The following DPYSL3 variants were observed in gnomAD, a reference collection of about 807,000 sequenced individuals.
DPYSL3 encodes dihydropyrimidinase-related protein 3.
In DPYSL3, 16 loss-of-function variants were observed where a neutral mutation model predicts 66.1. The observed-to-expected ratio is 0.24, with a 90% confidence interval of 0.16 to 0.37. The LOEUF is 0.37. Ranked by LOEUF, DPYSL3 falls within the 10% of genes least tolerant of loss-of-function variation. The pLI, the probability that DPYSL3 is intolerant of heterozygous loss-of-function variation, is 1.00. For missense variants in DPYSL3, 738 were observed against 916.2 expected, an observed-to-expected ratio of 0.81 and a Z score of 2.51; for synonymous variants, 338 against 345.1, an observed-to-expected ratio of 0.98 and a Z score of 0.23.
intron 1 of DPYSL3, among the ~76,000 whole-genome samples, chr5:147,449,218 C>T (rs1307010451): frequency 6.6e-6 from 1 of 152,068 alleles, no homozygotes; most frequent in Admixed American, 6.5e-5. Context: ...CTGGGTGTTA[C>T]TCCAGTTCAT....
rs190962577 is a variant in DPYSL3 at position 147,393,823 on chromosome 5, A to C, written c.*212T>G. 5.3e-5 allele frequency: 31 copies of C among 582,066 alleles called. No homozygotes were observed. The Admixed American group carries it at 8.5e-4, about 16-fold the overall frequency. 36.1% of individuals were successfully genotyped at this position (582,066 alleles called of 1,614,324 possible). A position where few individuals can be genotyped will look rare whatever the true frequency, so the allele number is the denominator to read the frequency against. On this transcript the variant is annotated 3_prime_UTR_variant, in exon 14 of 14. Transcript: ENST00000343218. ...CATGTAAATGGGGGGAGGGGAGTCAAACAAATCAAGGCTATGCATAAACAG... is the reference window on the plus strand; with the variant it reads ...CATGTAAATGGGGGGAGGGGAGTCACACAAATCAAGGCTATGCATAAACAG...
At chr5:147,415,260 T>C (rs924681623) in intron 4 of DPYSL3, among the ~76,000 whole-genome samples, 5 of 152,174 alleles carry the variant, frequency 3.3e-5, no homozygotes, top group African/African-American at 1.2e-4. Context: ...GCCATTGTTA[T>C]ATGATAGTAA....
At chr5:147,451,330 A>T (rs1007833178) in intron 1 of DPYSL3, among the ~76,000 whole-genome samples, 1 of 152,212 alleles carries the variant, frequency 6.6e-6, no homozygotes, top group Non-Finnish European at 1.5e-5. Flanking sequence ...CCCAGCTTCA[A>T]GGCAGAGGCT....
At chr5:147,452,325 A>G (rs530577006) in intron 1 of DPYSL3, among the ~76,000 whole-genome samples, 1 of 152,110 alleles carries the variant, frequency 6.6e-6, no homozygotes, top group South Asian at 2.1e-4. Flanking sequence ...CTGCAAATCA[A>G]CTACTGTGGC....
intron 1 of DPYSL3, chr5:147,454,002 T>G: frequency 6.1e-6 from 1 of 164,920 alleles, no homozygotes; most frequent in Non-Finnish European, 1.3e-5. Context: ...TTTTTTCTGA[T>G]TCGCGAGTGC....
intron 1 of DPYSL3, among the ~76,000 whole-genome samples, chr5:147,447,961 C>T (rs1228631656): frequency 6.6e-6 from 1 of 152,146 alleles, no homozygotes; most frequent in Non-Finnish European, 1.5e-5. Flanking sequence ...ACATTTACAC[C>T]TTAGAGACTC....
At chr5:147,452,139 T>A (rs1752741326) in intron 1 of DPYSL3, among the ~76,000 whole-genome samples, 1 of 152,058 alleles carries the variant, frequency 6.6e-6, no homozygotes, top group African/African-American at 2.4e-5. Flanking sequence ...ATGAAAAAGG[T>A]ATGGTGCGGC....
intron 1 of DPYSL3, among the ~76,000 whole-genome samples, chr5:147,466,379 G>A (rs1466402338): frequency 6.6e-6 from 1 of 152,162 alleles, no homozygotes; most frequent in Non-Finnish European, 1.5e-5. Flanking sequence ...TTTGATATCT[G>A]TTCAGAATTA....
chr5:147,457,045 T>C (rs965157450), intron 1 of DPYSL3, among the ~76,000 whole-genome samples: 9 of 152,180 alleles, frequency 5.9e-5, no homozygotes, highest in African/African-American at 2.2e-4. Flanking sequence ...CATTCATTCA[T>C]TCATTCATTC....
At chr5:147,428,346 T>A (rs899878382) in intron 1 of DPYSL3, among the ~76,000 whole-genome samples, 2 of 152,080 alleles carry the variant, frequency 1.3e-5, no homozygotes, top group African/African-American at 2.4e-5. Context: ...CCTCTATGGG[T>A]CTTCAGCTTG....
At chr5:147,453,408 G>C (rs1031137971) in intron 1 of DPYSL3, 103 of 1,282,974 alleles carry the variant, frequency 8.0e-5, no homozygotes, top group Non-Finnish European at 2.6e-5. Flanking sequence ...TGACCGCCGC[G>C]CTCCGCCACC....
At chr5:147,451,094 CA>C (rs1752719688) in intron 1 of DPYSL3, among the ~76,000 whole-genome samples, 2 of 152,140 alleles carry the variant, frequency 1.3e-5, no homozygotes, top group Non-Finnish European at 2.9e-5. Context: ...TGCAAACATA[CA>C]TAAATATTTT....
chr5:147,494,709 C>CAAA (rs35761170), intron 1 of DPYSL3, among the ~76,000 whole-genome samples: 19 of 83,546 alleles, frequency 2.3e-4, no homozygotes, highest in African/African-American at 6.9e-4. Context: ...ACGAAAAATA[C>CAAA]AAAAAAAAAA....
chr5:147,456,581 ATTTTT>A (rs985633099), intron 1 of DPYSL3, among the ~76,000 whole-genome samples: 3 of 80,318 alleles, frequency 3.7e-5, no homozygotes, highest in African/African-American at 5.4e-5. Flanking sequence ...TACTGATTCT[ATTTTT>A]TTTTTTTTTT....
At chr5:147,508,309 T>C (rs974704451) in intron 1 of DPYSL3, among the ~76,000 whole-genome samples, 1 of 152,216 alleles carries the variant, frequency 6.6e-6, no homozygotes, top group South Asian at 2.1e-4. Flanking sequence ...TGAACAGAGA[T>C]GCTGTTCTTT....
intron 3 of DPYSL3, among the ~76,000 whole-genome samples, chr5:147,416,949 G>A (rs1200632701): frequency 1.3e-5 from 2 of 152,166 alleles, no homozygotes; most frequent in African/African-American, 4.8e-5. Flanking sequence ...TAGCAAAAAT[G>A]GAAGGTTAAA....
rs757632182 is a variant in DPYSL3 at position 147,453,627 on chromosome 5, T to G, written c.382-28664A>C. 7 of 1,522,054 alleles carry G rather than the reference T, an allele frequency of 4.6e-6. 1 individual carries two copies. Among genetic ancestry groups the G allele is most frequent in the Non-Finnish European group, 2.6e-6 (3 of 1,133,256 alleles). 94.3% of individuals were successfully genotyped at this position (1,522,054 alleles called of 1,614,324 possible). A position where few individuals can be genotyped will look rare whatever the true frequency, so the allele number is the denominator to read the frequency against. ...CTGCAGCGGCTGGCTCCCTCCCTCC[T>G]TCTTCTGCTCCGGCTCGCCCGCGCC... On this transcript the variant is annotated intron_variant, in intron 1 of 13. Coordinates refer to ENST00000343218, the MANE Select transcript of DPYSL3 (RefSeq NM_001197294.2).
chr5:147,404,809 T>C (rs971361560), intron 8 of DPYSL3, among the ~76,000 whole-genome samples: 3 of 152,164 alleles, frequency 2.0e-5, no homozygotes, highest in African/African-American at 7.2e-5. Flanking sequence ...GTGGCCAATA[T>C]GCTTTGGAGA....
intron 5 of DPYSL3, among the ~76,000 whole-genome samples, chr5:147,413,016 T>C (rs754607663): frequency 5.3e-5 from 8 of 152,162 alleles, no homozygotes; most frequent in Non-Finnish European, 1.2e-4. Flanking sequence ...AGTCTCAGAA[T>C]TCTTCTCAAC....
Sources: allele counts gnomAD v4.1 joint callset (sites outside exome capture counted in the v4.1 genomes callset), GRCh38; gene constraint gnomAD v4.1.1; transcripts MANE v1.5; gene names NCBI Gene and HGNC (gene_info 2026-07-23, HGNC 2026-07-21).